Variants in PI4KA observed in about 807,000 individuals in gnomAD.
PI4KA encodes PI4-kinase alpha.
In PI4KA, 122 loss-of-function variants were observed where a neutral mutation model predicts 271.4. The ratio of observed to expected loss-of-function variants is 0.45; its 90% confidence interval spans 0.39 to 0.52. The LOEUF (loss-of-function observed/expected upper bound fraction) is 0.52. PI4KA is among the 20% of genes least tolerant of loss of function. PI4KA has a pLI of 0.00. For synonymous variants in PI4KA, 1,041 were observed against 1,078.8 expected (o/e 0.96, Z 0.69); for missense variants, 1,969 against 2,769.1 (o/e 0.71, Z 6.48).
intron 22 of PI4KA, among the ~76,000 whole-genome samples, chr22:20,763,580 T>C (rs1932223649): frequency 6.6e-6 from 1 of 151,576 alleles, no homozygotes; most frequent in African/African-American, 2.4e-5. Context: ...GCTGGGACTA[T>C]AGGCACCCGC....
chr22:20,782,058 T>C (rs1053309306), intron 19 of PI4KA, among the ~76,000 whole-genome samples: 3 of 152,252 alleles, frequency 2.0e-5, no homozygotes, highest in Admixed American at 2.0e-4. Context: ...ATTTTACTTC[T>C]ACTAGCAAAT....
At chr22:20,822,076 G>A (rs1288670831) in intron 4 of PI4KA, among the ~76,000 whole-genome samples, 1 of 152,128 alleles carries the variant, frequency 6.6e-6, no homozygotes, top group Admixed American at 6.5e-5. Flanking sequence ...GGAGGCCGAG[G>A]ATATAGTGAG....
chr22:20,847,571 A>G (rs1207402633), intron 1 of PI4KA, among the ~76,000 whole-genome samples: 3 of 152,164 alleles, frequency 2.0e-5, no homozygotes, highest in Non-Finnish European at 2.9e-5. Context: ...CCTGGAGTAC[A>G]TGGTGAAACC....
intron 19 of PI4KA, among the ~76,000 whole-genome samples, chr22:20,790,232 T>C (rs966155092): frequency 2.6e-5 from 4 of 152,186 alleles, no homozygotes; most frequent in African/African-American, 9.7e-5. Flanking sequence ...AACAGCTGCA[T>C]TAGGGCCAAA....
intron 53 of PI4KA, chr22:20,709,607 G>A (rs1329729605): frequency 1.7e-5 from 10 of 575,564 alleles, no homozygotes; most frequent in African/African-American, 1.6e-4. Flanking sequence ...TGGCATTAGG[G>A]GACTAAGCAT....
rs764366309 is a variant in PI4KA, at chr22:20,798,688, C to T, written c.2005-1G>A. On this transcript the variant is annotated splice_acceptor_variant, in intron 16 of 54. Coordinates refer to ENST00000255882, the MANE Select transcript of PI4KA (RefSeq NM_058004.4). LOFTEE classifies it high-confidence loss of function. The stretch of plus-strand genomic sequence containing the variant: ...TCCACACTTCCTGATAGATGTATTG[C>T]TGGGAGAGAGCAAGATGCACTGTCA... The T allele has an allele frequency of 1.9e-6, 3 of 1,603,860 alleles. No individual in the cohort carries two copies. The highest frequency in any genetic ancestry group is 2.6e-6 in the Non-Finnish European group (3 of 1,170,704).
intron 12 of PI4KA, among the ~76,000 whole-genome samples, 192 bp from the exon 13 acceptor site, chr22:20,803,512 G>A (rs1935463533): frequency 6.6e-6 from 1 of 152,102 alleles, no homozygotes; most frequent in South Asian, 2.1e-4. Context: ...CACCTATAGG[G>A]GACATCAACT....
At chr22:20,710,157 G>A in intron 52 of PI4KA, 160 bp from the exon 53 acceptor site, 1 of 670,382 alleles carries the variant, frequency 1.5e-6, no homozygotes, top group Non-Finnish European at 2.8e-6. Flanking sequence ...CTTTCGATCT[G>A]CTGCACTTGG....
At chr22:20,722,541 C>CGG (rs1926863612) in intron 42 of PI4KA, among the ~76,000 whole-genome samples, 1 of 152,180 alleles carries the variant, frequency 6.6e-6, no homozygotes, top group South Asian at 2.1e-4. Flanking sequence ...CTGTGGTCAC[C>CGG]ATCCTAAGGA....
chr22:20,810,274 A>AG (rs1359113235), intron 9 of PI4KA, among the ~76,000 whole-genome samples: 1 of 152,168 alleles, frequency 6.6e-6, no homozygotes, highest in Non-Finnish European at 1.5e-5. Flanking sequence ...TGGGAGGCAG[A>AG]GGCAGGCAGA....
chr22:20,744,441 G>A (rs568614687), intron 30 of PI4KA, among the ~76,000 whole-genome samples, 187 bp downstream of exon 30: 12 of 113,592 alleles, frequency 1.1e-4, no homozygotes, highest in African/African-American at 2.6e-4. Context: ...GAAAAAACAA[G>A]TAACTGGTCA....
At chr22:20,848,062 A>G (rs1024593878) in intron 1 of PI4KA, among the ~76,000 whole-genome samples, 3 of 151,936 alleles carry the variant, frequency 2.0e-5, no homozygotes, top group Admixed American at 6.6e-5. Context: ...ACATGGCAAA[A>G]CCCTGTCTCT....
chr22:20,806,496 C>T (rs939765872), intron 10 of PI4KA, among the ~76,000 whole-genome samples: 2 of 151,842 alleles, frequency 1.3e-5, no homozygotes, highest in Non-Finnish European at 2.9e-5. Context: ...ATGGTAAAAC[C>T]CCATCTCTAC....
At chr22:20,711,633 C>T (rs1046516739) in intron 50 of PI4KA, among the ~76,000 whole-genome samples, 172 bp from the exon 51 acceptor site, 18 of 152,166 alleles carry the variant, frequency 1.2e-4, no homozygotes, top group African/African-American at 4.3e-4. Context: ...GTGACAGGGG[C>T]TCTCTGTGGA....
intron 6 of PI4KA, among the ~76,000 whole-genome samples, chr22:20,819,383 CT>C (rs201500353): frequency 7.1e-4 from 105 of 147,418 alleles, no homozygotes; most frequent in Non-Finnish European, 1.3e-3. Flanking sequence ...GGCGATAAGG[CT>C]TTTTTTTTAG....
rs1933571674 is a variant in PI4KA, at chr22:20,779,453, C to T, written c.2328+13740G>A. On this transcript the variant is annotated intron_variant, in intron 19 of 54. Coordinates refer to ENST00000255882, the MANE Select transcript of PI4KA (RefSeq NM_058004.4). ...ATCCCCAGTGGGAGCAGTTAAATAA[C>T]AAAAACCTGAGCATGCCTCTTCTCC... 4 of 1,614,034 alleles carry T rather than the reference C, an allele frequency of 2.5e-6. No individual in the cohort carries two copies. In the South Asian group the frequency reaches 4.4e-5, roughly 18 times the overall value.
At position 20,828,706 on chromosome 22, in the gene PI4KA, C is replaced by A. The variant is rs1923766861; in HGVS notation, c.368-4292G>T. Among the ~76,000 whole-genome samples, 6 of 152,204 alleles carry A rather than the reference C, an allele frequency of 3.9e-5. No individual in the cohort carries two copies. In the South Asian group the frequency reaches 1.2e-3, roughly 32 times the overall value. On this transcript the variant is annotated intron_variant, in intron 3 of 54. Transcript: ENST00000255882. Reference sequence around the variant, plus strand: ...AGTAGCTGGGACTACAGATGCCTGCCACCATGCCTGGCTAATTTTTTGTAT... The same window carrying A: ...AGTAGCTGGGACTACAGATGCCTGCAACCATGCCTGGCTAATTTTTTGTAT...
At chr22:20,824,548 G>A in intron 3 of PI4KA, 134 bp from the exon 4 acceptor site, 1 of 615,058 alleles carries the variant, frequency 1.6e-6, no homozygotes, top group Non-Finnish European at 2.8e-6. Flanking sequence ...CCCTCCTTGA[G>A]ACGAGTCTCA....
At position 20,858,565 on chromosome 22, in the gene PI4KA, G is replaced by A. The variant is rs573614618; in HGVS notation, c.156+5C>T. On this transcript the variant is annotated splice_donor_5th_base_variant and intron_variant, in intron 1 of 54. Coordinates refer to ENST00000255882, the MANE Select transcript of PI4KA (RefSeq NM_058004.4). Reference sequence around the variant, plus strand: ...TCAGCCCGCGGCCCAGCCCGCCGACGTTACCTTCTCCAAGGATGCTGGTCT... The same window carrying A: ...TCAGCCCGCGGCCCAGCCCGCCGACATTACCTTCTCCAAGGATGCTGGTCT... The A allele has an allele frequency of 5.1e-6, 7 of 1,380,394 alleles. No individual in the cohort carries two copies. Among genetic ancestry groups the A allele is most frequent in the South Asian group, 4.8e-5 (3 of 62,078 alleles). 85.5% of individuals were successfully genotyped at this position (1,380,394 alleles called of 1,614,324 possible). A position where few individuals can be genotyped will look rare whatever the true frequency, so the allele number is the denominator to read the frequency against.
Sources: allele counts gnomAD v4.1 joint callset (sites outside exome capture counted in the v4.1 genomes callset), GRCh38; gene constraint gnomAD v4.1.1; transcripts MANE v1.5; gene names NCBI Gene and HGNC (gene_info 2026-07-23, HGNC 2026-07-21).